The following SGCD variants were observed in gnomAD, a reference collection of about 807,000 sequenced individuals.
The protein encoded by SGCD is delta-sarcoglycan.
A neutral mutation model predicts 36.6 loss-of-function variants in SGCD; 18 were observed. That is an observed-to-expected ratio of 0.49 (90% CI 0.34 to 0.73). The LOEUF is 0.73. Ranked by LOEUF, SGCD falls within the 30% of genes least tolerant of loss-of-function variation. The pLI is 0.01. For missense variants in SGCD, 387 were observed against 346.7 expected (o/e 1.12, Z -0.92); for synonymous variants, 133 against 130.6 (o/e 1.02, Z -0.12).
At chr5:156,099,064 G>A (rs2127596199) in intron 1 of SGCD, among the ~76,000 whole-genome samples, 1 of 152,304 alleles carries the variant, frequency 6.6e-6, no homozygotes, top group African/African-American at 2.4e-5. Flanking sequence ...CAAGTTTGGG[G>A]TTGTTGGTAA....
intron 3 of SGCD, among the ~76,000 whole-genome samples, chr5:156,384,579 A>C (rs1771174115): frequency 6.6e-6 from 1 of 152,208 alleles, no homozygotes; most frequent in Non-Finnish European, 1.5e-5. Flanking sequence ...ATAAATGCAC[A>C]AATTAAAAAG....
chr5:156,393,717 A>G (rs759588089), intron 3 of SGCD: 4 of 456,200 alleles, frequency 8.8e-6, no homozygotes, highest in South Asian at 4.6e-5. Flanking sequence ...ATAGTTACTA[A>G]CAAAGTGCTG....
At chr5:156,223,597 C>T (rs912777575) in intron 3 of SGCD, among the ~76,000 whole-genome samples, 1 of 151,898 alleles carries the variant, frequency 6.6e-6, no homozygotes, top group Non-Finnish European at 1.5e-5. Flanking sequence ...TGAGGTAGGT[C>T]CATGGGAAAT....
chr5:156,313,016 T>A (rs1767427974), intron 3 of SGCD, among the ~76,000 whole-genome samples: 1 of 152,112 alleles, frequency 6.6e-6, no homozygotes, highest in African/African-American at 2.4e-5. Context: ...GTTTTCTGAT[T>A]TTCTTTCTTC....
At chr5:156,267,693 T>C (rs1338916351) in intron 3 of SGCD, among the ~76,000 whole-genome samples, 2 of 150,380 alleles carry the variant, frequency 1.3e-5, no homozygotes, top group Admixed American at 1.3e-4. Flanking sequence ...ACTGGTTTTT[T>C]TGATAAAAGT....
intron 3 of SGCD, among the ~76,000 whole-genome samples, chr5:156,301,129 G>A (rs1210445499): frequency 6.6e-6 from 1 of 151,722 alleles, no homozygotes; most frequent in African/African-American, 2.4e-5. Flanking sequence ...CTGCCATTTT[G>A]TTATTTATTT....
chr5:155,999,967 A>G (rs1758631077), intron 1 of SGCD, among the ~76,000 whole-genome samples: 1 of 152,218 alleles, frequency 6.6e-6, no homozygotes, highest in African/African-American at 2.4e-5. Context: ...CTGTTAGAGT[A>G]GGTTCTATCT....
At chr5:156,691,147 C>T (rs1353529745) in intron 7 of SGCD, among the ~76,000 whole-genome samples, 15 of 141,088 alleles carry the variant, frequency 1.1e-4, no homozygotes, top group Non-Finnish European at 3.0e-5. Context: ...GTGGAGGTTG[C>T]AGTGAGCCGA....
intron 1 of SGCD, among the ~76,000 whole-genome samples, chr5:156,073,424 A>G (rs747722830): frequency 2.0e-4 from 30 of 152,232 alleles, no homozygotes; most frequent in African/African-American, 5.3e-4. Flanking sequence ...TTAGCTAGGA[A>G]TGATGGTTTA....
chr5:156,729,032 C>T (rs550278882), intron 7 of SGCD, among the ~76,000 whole-genome samples: 25 of 152,008 alleles, frequency 1.6e-4, no homozygotes, highest in Non-Finnish European at 2.1e-4. Context: ...CATATGTCAC[C>T]GTTCAAAAGG....
chr5:156,425,305 G>A (rs4705014), intron 3 of SGCD, among the ~76,000 whole-genome samples: 109,456 of 151,910 alleles, frequency 0.72, 40,662 homozygotes, highest in African/African-American at 0.91. Flanking sequence ...TAAGCTTCCT[G>A]GAAACCAGCC....
At chr5:156,185,441 C>G (rs961729536) in intron 3 of SGCD, among the ~76,000 whole-genome samples, 8 of 151,958 alleles carry the variant, frequency 5.3e-5, no homozygotes, top group Non-Finnish European at 1.0e-4. Context: ...GTCTCGATCT[C>G]CTGACCTTGT....
the SGCD span, among the ~76,000 whole-genome samples, chr5:155,849,406 C>A: frequency 6.6e-6 from 1 of 152,020 alleles, no homozygotes; most frequent in East Asian, 1.9e-4. Context: ...CAGGCACACA[C>A]ACCCACCACC....
At chr5:156,523,508 G>A (rs1437879106) in intron 4 of SGCD, among the ~76,000 whole-genome samples, 1 of 152,142 alleles carries the variant, frequency 6.6e-6, no homozygotes, top group East Asian at 1.9e-4. Flanking sequence ...AAAGTATTAA[G>A]TCAGCTTATG....
rs34250962 is a variant in SGCD at position 155,883,793 on chromosome 5, C to CAAAA, written c.-282+13387_-282+13390dup. ...AGGGTTACCACAAACCTTCAATTTG[C>CAAAA]AAAAAAAAAAAAAAAAAAAAAGAAA... is the stretch of plus-strand genomic sequence containing the variant. On this transcript the variant is annotated intron_variant, in intron 1 of 9. Transcript: ENST00000517913. Among the ~76,000 whole-genome samples, 273 of 83,438 alleles carry CAAAA rather than the reference C, an allele frequency of 3.3e-3. 3 individuals carry two copies. Among genetic ancestry groups the CAAAA allele is most frequent in the African/African-American group, 7.0e-3 (142 of 20,316 alleles). 54.7% of individuals were successfully genotyped at this position (83,438 alleles called of 152,430 possible). A position where few individuals can be genotyped will look rare whatever the true frequency, so the allele number is the denominator to read the frequency against.
At chr5:155,776,896 G>T in the SGCD span, among the ~76,000 whole-genome samples, 16 of 152,154 alleles carry the variant, frequency 1.1e-4, no homozygotes, top group East Asian at 9.7e-4. Flanking sequence ...TAAAAGCCAA[G>T]AGCTTATGGG....
At chr5:156,036,316 TA>T (rs1759495130) in intron 1 of SGCD, among the ~76,000 whole-genome samples, 1 of 152,166 alleles carries the variant, frequency 6.6e-6, no homozygotes, top group Non-Finnish European at 1.5e-5. Flanking sequence ...GCAGAGTTTT[TA>T]AAGGCAGGGG....
chr5:155,825,148 C>T, the SGCD span, among the ~76,000 whole-genome samples: 2,689 of 152,156 alleles, frequency 0.018, 87 homozygotes, highest in African/African-American at 0.06. Context: ...TCCATGATTG[C>T]GTTTGCCAGC....
chr5:156,251,265 G>A (rs546100580), intron 3 of SGCD, among the ~76,000 whole-genome samples: 1 of 151,966 alleles, frequency 6.6e-6, no homozygotes, highest in Non-Finnish European at 1.5e-5. Flanking sequence ...AAACATTTTG[G>A]TTGCAAAATA....
Sources: gnomAD v4.1 joint callset for allele counts (sites outside exome capture counted in the v4.1 genomes callset) on GRCh38, gnomAD v4.1.1 for gene constraint, MANE v1.5 for transcripts, NCBI Gene and HGNC (gene_info 2026-07-23, HGNC 2026-07-21) for gene names.